SLC16A7: variants seen among roughly 807,000 people sequenced by gnomAD.
SLC16A7 encodes solute carrier family 16 member 7.
SLC16A7 carries 33 observed loss-of-function variants against 34.9 expected under a neutral mutation model. The ratio of observed to expected loss-of-function variants is 0.94; its 90% CI spans 0.72 to 1.26. The LOEUF is 1.26. Among genes scored for constraint, SLC16A7 ranks in the 50% most tolerant of loss-of-function variants. The pLI is 0.00. For synonymous variants in SLC16A7, 201 were observed against 206.6 expected, an observed-to-expected ratio of 0.97 and a Z score of 0.23; for missense variants, 573 against 578.1, an observed-to-expected ratio of 0.99 and a Z score of 0.09.
rs185451031 is a variant in SLC16A7 at position 59,690,142 on chromosome 12, G to A, written c.-30-14630G>A. ...CCTCTTTTACTGTAGAGCCATATAC[G>A]TAATTTCCCTAAGCCATGACTCTGG... On this transcript the variant is annotated intron_variant, in intron 2 of 5. Coordinates refer to ENST00000547379, the MANE Select transcript of SLC16A7 (RefSeq NM_001270623.2). 5.3e-5 allele frequency among the ~76,000 whole-genome samples: 8 copies of A among 152,068 alleles called. 1 individual carries two copies. Among genetic ancestry groups the A allele is most frequent in the Admixed American group, 1.3e-4 (2 of 15,258 alleles).
chr12:59,614,745 T>C (rs1199812176), intron 1 of SLC16A7, among the ~76,000 whole-genome samples: 1 of 145,852 alleles, frequency 6.9e-6, no homozygotes, highest in Non-Finnish European at 1.5e-5. Context: ...ACCCAGCACT[T>C]TGGGAGGCCG....
At chr12:59,620,996 A>G in intron 1 of SLC16A7, among the ~76,000 whole-genome samples, 1 of 152,046 alleles carries the variant, frequency 6.6e-6, no homozygotes, top group East Asian at 1.9e-4. Flanking sequence ...GAGGCAGAAT[A>G]TATAATTAAA....
chr12:59,704,946 C>A lies in SLC16A7; in HGVS notation c.145C>A (p.Gln49Lys). 1.9e-6 allele frequency: 3 copies of A among 1,613,664 alleles called. No individual in the cohort carries two copies. Among genetic ancestry groups the A allele is most frequent in the Non-Finnish European group, 2.5e-6 (3 of 1,179,646 alleles). ...CACCGTATTCTTCAAAGAAATTCAGCAAATATTCCACACTACCTACAGTGA... is the reference window on the plus strand; with the variant it reads ...CACCGTATTCTTCAAAGAAATTCAGAAAATATTCCACACTACCTACAGTGA... ...AVTVFFKEIQ[Q>K]IFHTTYSEIA... Residue 49 changes from glutamine (Q) to lysine (K), a missense_variant, in exon 3 of 6, where the codon CAA (glutamine) becomes AAA (lysine). Physicochemically the swap from Gln to Lys is moderately conservative, Grantham distance 53 (BLOSUM62 1). Transcript: ENST00000547379.
intron 2 of SLC16A7, among the ~76,000 whole-genome samples, chr12:59,692,587 G>C (rs1046452984): frequency 4.6e-5 from 7 of 151,906 alleles, no homozygotes; most frequent in African/African-American, 1.7e-4. Context: ...TGTTTTGTAT[G>C]GGAGGTGTAC....
intron 2 of SLC16A7, among the ~76,000 whole-genome samples, chr12:59,694,436 C>T (rs2137107092): frequency 6.6e-6 from 1 of 152,048 alleles, no homozygotes; most frequent in South Asian, 2.1e-4. Flanking sequence ...GATAAGTGTA[C>T]ACCCATGAAA....
At chr12:59,677,239 A>C (rs1870386757) in intron 2 of SLC16A7, among the ~76,000 whole-genome samples, 1 of 152,192 alleles carries the variant, frequency 6.6e-6, no homozygotes, top group Admixed American at 6.5e-5. Flanking sequence ...CCAATGCATC[A>C]TTATTGGGTA....
At chr12:59,696,524 C>T (rs747719989) in intron 2 of SLC16A7, 22 of 152,098 alleles carry the variant, frequency 1.4e-4, no homozygotes, top group South Asian at 4.1e-4. Flanking sequence ...TCTATCAACA[C>T]GTAAAACTAT....
chr12:59,719,607 A>C (rs187578809), intron 3 of SLC16A7: 3 of 152,858 alleles, frequency 2.0e-5, no homozygotes, highest in African/African-American at 7.2e-5. Flanking sequence ...ATTTTATATC[A>C]ATCTGCACTT....
chr12:59,691,503 C>T (rs747069864), intron 2 of SLC16A7, among the ~76,000 whole-genome samples: 37 of 151,984 alleles, frequency 2.4e-4, no homozygotes, highest in Non-Finnish European at 3.5e-4. Flanking sequence ...ATTGCCTCCA[C>T]CATGGGTGGG....
chr12:59,687,214 TG>T (rs1250571478), intron 2 of SLC16A7, among the ~76,000 whole-genome samples: 1 of 151,802 alleles, frequency 6.6e-6, no homozygotes, highest in Non-Finnish European at 1.5e-5. Flanking sequence ...TAAAGCTAAG[TG>T]GGGGGTGGGG....
chr12:59,700,856 C>T (rs1403204353), intron 2 of SLC16A7, among the ~76,000 whole-genome samples: 1 of 151,506 alleles, frequency 6.6e-6, no homozygotes, highest in Non-Finnish European at 1.5e-5. Flanking sequence ...ACATTCAGCC[C>T]CAACTATGAC....
chr12:59,664,240 G>C (rs1565636340), intron 2 of SLC16A7, among the ~76,000 whole-genome samples: 1 of 152,076 alleles, frequency 6.6e-6, no homozygotes, highest in Non-Finnish European at 1.5e-5. Context: ...TAGAATATGA[G>C]AAGCATTTAA....
At chr12:59,760,560 A>T (rs1880901857) in intron 3 of SLC16A7, among the ~76,000 whole-genome samples, 1 of 152,140 alleles carries the variant, frequency 6.6e-6, no homozygotes, top group Admixed American at 6.6e-5. Context: ...AATATACTTT[A>T]GTAAAAGTTA....
chr12:59,704,847 G>T lies in SLC16A7; in HGVS notation c.46G>T (p.Gly16Ter). The T allele has an allele frequency of 6.2e-7, 1 of 1,613,842 alleles. No homozygotes were observed. Among genetic ancestry groups the T allele is most frequent in the Admixed American group, 1.7e-5 (1 of 60,002 alleles). The change falls in exon 3 of 6, where the codon GGA (glycine) becomes TGA (stop). Residue 16 changes from glycine (G) to a stop codon, truncating the protein, a stop_gained. Transcript: ENST00000547379. LOFTEE classifies it high-confidence loss of function. ...SAPPVHPPPDGGWGWIVVGAA... is the reference protein window; with the variant it reads ...SAPPVHPPPD ...CCCACCTGTGCATCCACCTCCAGAT[G>T]GAGGATGGGGTTGGATTGTGGTTGG... is the stretch of plus-strand genomic sequence containing the variant.
At chr12:59,701,044 C>T (rs1565657485) in intron 2 of SLC16A7, among the ~76,000 whole-genome samples, 1 of 151,820 alleles carries the variant, frequency 6.6e-6, no homozygotes. Context: ...ATAGCTTCTA[C>T]ATTAAATGTA....
At chr12:59,680,979 T>A (rs541578148) in intron 2 of SLC16A7, among the ~76,000 whole-genome samples, 1 of 152,298 alleles carries the variant, frequency 6.6e-6, no homozygotes. Flanking sequence ...ATGCCCTCAA[T>A]GGAAAAAACT....
intron 3 of SLC16A7, among the ~76,000 whole-genome samples, chr12:59,722,582 A>G (rs1875737524): frequency 6.6e-6 from 1 of 151,818 alleles, no homozygotes; most frequent in Admixed American, 6.6e-5. Context: ...TACTCTTCCT[A>G]GAATATACCA....
intron 3 of SLC16A7, among the ~76,000 whole-genome samples, chr12:59,711,692 G>GT (rs1298798598): frequency 6.6e-6 from 1 of 152,124 alleles, no homozygotes; most frequent in Non-Finnish European, 1.5e-5. Flanking sequence ...CTAATTTCTG[G>GT]TTTTTTGTAC....
intron 1 of SLC16A7, among the ~76,000 whole-genome samples, chr12:59,604,016 CAT>C (rs1372911977): frequency 6.6e-6 from 1 of 152,224 alleles, no homozygotes; most frequent in African/African-American, 2.4e-5. Context: ...TGACAGCTCA[CAT>C]GTCTTTTGTT....
Sources: gnomAD v4.1 joint callset for allele counts (sites outside exome capture counted in the v4.1 genomes callset) on GRCh38, gnomAD v4.1.1 for gene constraint, MANE v1.5 for transcripts, NCBI Gene and HGNC (gene_info 2026-07-23, HGNC 2026-07-21) for gene names.